CACNB2: variants seen among roughly 807,000 people sequenced by gnomAD.
CACNB2 encodes voltage-dependent L-type calcium channel subunit beta-2.
A neutral mutation model predicts 73.3 loss-of-function variants in CACNB2; 42 were observed. The observed-to-expected ratio is 0.57, with a 90% CI of 0.45 to 0.74. The LOEUF (loss-of-function observed/expected upper bound fraction) is 0.74. Among genes scored for constraint, CACNB2 ranks in the 30% least tolerant of loss-of-function variants. The pLI, the probability that CACNB2 is intolerant of heterozygous loss-of-function variation, is 0.00. For missense variants in CACNB2, 940 were observed against 853.0 expected, an observed-to-expected ratio of 1.10 and a Z score of -1.27; for synonymous variants, 348 against 310.3, an observed-to-expected ratio of 1.12 and a Z score of -1.28.
chr10:18,155,187 T>C (rs966375804), intron 2 of CACNB2, among the ~76,000 whole-genome samples: 1 of 152,176 alleles, frequency 6.6e-6, no homozygotes, highest in African/African-American at 2.4e-5. Flanking sequence ...CTGTCCCCTT[T>C]TGGACCTTTC....
intron 3 of CACNB2, among the ~76,000 whole-genome samples, chr10:18,451,429 A>G: frequency 6.6e-6 from 1 of 152,206 alleles, no homozygotes; most frequent in East Asian, 1.9e-4. Flanking sequence ...AGTCATGGAT[A>G]GAGAGTTTCT....
rs924182086 is a variant in CACNB2, at chr10:18,247,029, A to G, written c.213+96054A>G. Among the ~76,000 whole-genome samples, 53 of 152,146 alleles carry G rather than the reference A, an allele frequency of 3.5e-4. 1 individual carries two copies. The highest frequency in any genetic ancestry group is 3.5e-3 in the Admixed American group (53 of 15,274). On this transcript the variant is annotated intron_variant, in intron 2 of 13. Coordinates refer to ENST00000324631, the MANE Select transcript of CACNB2 (RefSeq NM_201596.3). ...GACCGTAGGTAAGATGCAGCCTCGCAGTTGTAAGGCATAATCTGCTGGGGC... is the reference window on the plus strand; with the variant it reads ...GACCGTAGGTAAGATGCAGCCTCGCGGTTGTAAGGCATAATCTGCTGGGGC...
intron 1 of CACNB2, among the ~76,000 whole-genome samples, chr10:18,149,021 AT>A (rs1244941905): frequency 6.7e-5 from 10 of 149,300 alleles, no homozygotes; most frequent in Non-Finnish European, 4.4e-5. Flanking sequence ...AAAAAAAAAA[AT>A]GGGATGAGAT....
chr10:18,319,413 C>T (rs1167659372), intron 2 of CACNB2, among the ~76,000 whole-genome samples: 2 of 151,842 alleles, frequency 1.3e-5, no homozygotes, highest in African/African-American at 4.8e-5. Flanking sequence ...CACATGGACA[C>T]AGGGAGGGGA....
intron 2 of CACNB2, among the ~76,000 whole-genome samples, chr10:18,239,091 G>A (rs1588805410): frequency 6.6e-6 from 1 of 152,076 alleles, no homozygotes; most frequent in South Asian, 2.1e-4. Flanking sequence ...CCATCTAGTG[G>A]CCACCAGGAC....
At chr10:18,283,399 A>AGCAAAGACTTGGAACCAACCCTTATGTCC (rs1405867828) in intron 2 of CACNB2, among the ~76,000 whole-genome samples, 60 of 152,320 alleles carry the variant, frequency 3.9e-4, no homozygotes, top group South Asian at 2.1e-3. Context: ...TATTCACAAT[A>AGCAAAGACTTGGAACCAACCCTTATGTCC]GCAAAGACTT....
chr10:18,359,488 C>T (rs113099917), intron 2 of CACNB2, among the ~76,000 whole-genome samples: 3 of 152,038 alleles, frequency 2.0e-5, no homozygotes, highest in South Asian at 2.1e-4. Flanking sequence ...TGGCCAGGCT[C>T]GTCTTGAATT....
chr10:18,259,567 A>AC (rs923024868), intron 2 of CACNB2, among the ~76,000 whole-genome samples: 2 of 140,238 alleles, frequency 1.4e-5, no homozygotes, highest in African/African-American at 5.3e-5. Flanking sequence ...AAACAAACAA[A>AC]AAAAAAAAGT....
chr10:18,451,299 C>G (rs924498413), intron 3 of CACNB2, among the ~76,000 whole-genome samples: 1 of 152,150 alleles, frequency 6.6e-6, no homozygotes, highest in Non-Finnish European at 1.5e-5. Context: ...AAATACCCAG[C>G]TGCAATTTTA....
In CACNB2 at chr10:18,453,425, G is replaced by C. The variant is rs544528166; in HGVS notation, c.334-44930G>C. Among the ~76,000 whole-genome samples the C allele has an allele frequency of 2.0e-5, 3 of 152,228 alleles. No homozygotes were observed. The South Asian group carries it at 6.2e-4, about 32-fold the overall frequency. ...CTTGTCTCCCTCCATCGCCTCCACA[G>C]GCCTGCTCCCTTGAGCTCTTTCTGT... On this transcript the variant is annotated intron_variant, in intron 3 of 13. Coordinates refer to ENST00000324631, the MANE Select transcript of CACNB2 (RefSeq NM_201596.3).
chr10:18,262,895 C>T (rs2037620421), intron 2 of CACNB2, among the ~76,000 whole-genome samples: 1 of 152,124 alleles, frequency 6.6e-6, no homozygotes, highest in African/African-American at 2.4e-5. Context: ...AAAGAAGAGA[C>T]AACATAATCT....
chr10:18,413,215 A>G (rs371560767), intron 3 of CACNB2, among the ~76,000 whole-genome samples: 124 of 152,182 alleles, frequency 8.1e-4, no homozygotes, highest in Admixed American at 3.1e-3. Context: ...CAGGTGATCC[A>G]CCCACCTCAA....
chr10:18,222,937 A>AC (rs1328975663), intron 2 of CACNB2, among the ~76,000 whole-genome samples: 1 of 152,188 alleles, frequency 6.6e-6, no homozygotes, highest in East Asian at 1.9e-4. Context: ...ACTCCATCTC[A>AC]AAAAGAAAAA....
At chr10:18,450,243 T>A (rs1168878171) in intron 3 of CACNB2, among the ~76,000 whole-genome samples, 1 of 152,212 alleles carries the variant, frequency 6.6e-6, no homozygotes, top group African/African-American at 2.4e-5. Flanking sequence ...GTTTACTAAA[T>A]CACAGGGTTT....
intron 2 of CACNB2, among the ~76,000 whole-genome samples, chr10:18,389,756 T>A (rs2043383116): frequency 6.6e-6 from 1 of 152,208 alleles, no homozygotes; most frequent in Non-Finnish European, 1.5e-5. Context: ...CAACAAGGTG[T>A]GAAAGTATCA....
At chr10:18,458,446 G>A (rs1209541222) in intron 3 of CACNB2, among the ~76,000 whole-genome samples, 1 of 152,168 alleles carries the variant, frequency 6.6e-6, no homozygotes. Context: ...TTCATTTACT[G>A]TATGCTCAGT....
At chr10:18,514,013 C>A (rs1436599366) in intron 6 of CACNB2, among the ~76,000 whole-genome samples, 1 of 152,188 alleles carries the variant, frequency 6.6e-6, no homozygotes, top group Admixed American at 6.5e-5. Context: ...GAAACTGATT[C>A]ATTCAAGCAA....
At chr10:18,336,443 A>C (rs2041008463) in intron 2 of CACNB2, among the ~76,000 whole-genome samples, 1 of 152,082 alleles carries the variant, frequency 6.6e-6, no homozygotes, top group Non-Finnish European at 1.5e-5. Flanking sequence ...ATATGGCAAA[A>C]CCTCATCTCT....
chr10:18,395,393 T>A (rs1483501460), intron 2 of CACNB2, among the ~76,000 whole-genome samples: 2 of 152,180 alleles, frequency 1.3e-5, no homozygotes, highest in African/African-American at 4.8e-5. Context: ...CATCATTTTA[T>A]TATCTCAGCT....
Sources: allele counts gnomAD v4.1 joint callset (sites outside exome capture counted in the v4.1 genomes callset), GRCh38; gene constraint gnomAD v4.1.1; transcripts MANE v1.5; gene names NCBI Gene and HGNC (gene_info 2026-07-23, HGNC 2026-07-21).